Variants in ZEB2 observed in about 807,000 individuals in gnomAD.
ZEB2 encodes the protein zinc finger E-box binding homeobox 2.
ZEB2 carries 6 observed loss-of-function variants against 99.9 expected under a neutral mutation model. The observed-to-expected ratio is 0.06, with a 90% confidence interval of 0.03 to 0.12. The LOEUF is 0.12. ZEB2 is among the 10% of genes least tolerant of loss of function. The pLI, the probability that ZEB2 is intolerant of heterozygous loss-of-function variation, is 1.00. For missense variants in ZEB2, 969 were observed against 1,502.8 expected, an observed-to-expected ratio of 0.64 and a Z score of 5.87; for synonymous variants, 517 against 542.5, an observed-to-expected ratio of 0.95 and a Z score of 0.65.
At chr2:144,408,299 T>C (rs1703414219) in intron 4 of ZEB2, among the ~76,000 whole-genome samples, 1 of 152,086 alleles carries the variant, frequency 6.6e-6, no homozygotes, top group African/African-American at 2.4e-5. Flanking sequence ...AGAGGTCTTT[T>C]GGTAAAAGGA....
chr2:144,464,097 T>G (rs1192313104), intron 2 of ZEB2: 1 of 152,184 alleles, frequency 6.6e-6, no homozygotes, highest in African/African-American at 2.4e-5. Flanking sequence ...GTGTTTAGCA[T>G]CTGGTGGAAC....
chr2:144,517,092 C>G (rs1300885139), intron 2 of ZEB2, among the ~76,000 whole-genome samples, 186 bp downstream of exon 2: 1 of 150,408 alleles, frequency 6.6e-6, no homozygotes, highest in East Asian at 2.0e-4. Flanking sequence ...CGGCACTTCC[C>G]CAACACCCCC....
At chr2:144,446,069 TC>T (rs1253347646) in intron 2 of ZEB2, among the ~76,000 whole-genome samples, 1 of 151,976 alleles carries the variant, frequency 6.6e-6, no homozygotes. Context: ...CTTCCTTCCT[TC>T]CCTGAACTTA....
chr2:144,474,852 T>C (rs991990321), intron 2 of ZEB2, among the ~76,000 whole-genome samples: 1 of 152,192 alleles, frequency 6.6e-6, no homozygotes, highest in Non-Finnish European at 1.5e-5. Context: ...TAAACTAAGG[T>C]AAGGGTTTAT....
chr2:144,401,166 G>C lies in ZEB2; in HGVS notation c.916+33C>G, dbSNP rs1311927791. ...TAAAACTCCCCTAATTAAGTAAAAT[G>C]CAAATGCGAGCTCCAGCACCTCTGC... On this transcript the variant is annotated intron_variant, in intron 7 of 9. Transcript: ENST00000627532. The C allele has an allele frequency of 1.9e-6, 3 of 1,585,602 alleles. No individual in the cohort carries two copies. The African/African-American group carries it at 4.0e-5, about 21-fold the overall frequency.
At chr2:144,469,433 T>C (rs185129839) in intron 2 of ZEB2, among the ~76,000 whole-genome samples, 18 of 152,260 alleles carry the variant, frequency 1.2e-4, no homozygotes, top group African/African-American at 4.3e-4. Context: ...TACTGAGCAT[T>C]GCACACACTG....
chr2:144,508,281 C>G (rs543982417), intron 2 of ZEB2, among the ~76,000 whole-genome samples: 1 of 152,054 alleles, frequency 6.6e-6, no homozygotes, highest in Non-Finnish European at 1.5e-5. Context: ...ATCTGGGAGG[C>G]AGGGTGCAAC....
chr2:144,449,023 C>T (rs1704021470), intron 2 of ZEB2, among the ~76,000 whole-genome samples: 1 of 152,188 alleles, frequency 6.6e-6, no homozygotes, highest in Non-Finnish European at 1.5e-5. Flanking sequence ...GGCAAATGAA[C>T]GTCCGTGCCT....
intron 2 of ZEB2, among the ~76,000 whole-genome samples, chr2:144,484,109 A>G (rs1240439978): frequency 2.0e-5 from 3 of 151,464 alleles, no homozygotes; most frequent in Non-Finnish European, 4.4e-5. Context: ...TTGTTCCCAC[A>G]TGGTCTTTCC....
At chr2:144,503,183 C>T (rs1560653129) in intron 2 of ZEB2, among the ~76,000 whole-genome samples, 1 of 152,166 alleles carries the variant, frequency 6.6e-6, no homozygotes, top group African/African-American at 2.4e-5. Flanking sequence ...ATGTTGGCTA[C>T]ACAGAAACTG....
At chr2:144,517,235 C>T in intron 2 of ZEB2, 43 bp downstream of exon 2, 1 of 1,611,714 alleles carries the variant, frequency 6.2e-7, no homozygotes, top group Non-Finnish European at 8.5e-7. Context: ...GGGTCTCGAG[C>T]CGCGTAGTGG....
At chr2:144,477,677 A>G (rs1704449130) in intron 2 of ZEB2, among the ~76,000 whole-genome samples, 1 of 152,160 alleles carries the variant, frequency 6.6e-6, no homozygotes, top group African/African-American at 2.4e-5. Context: ...TTTGAGTTTG[A>G]AGCCTGCTCC....
In ZEB2 at chr2:144,393,197, A is replaced by G. The variant is rs759419940; in HGVS notation, c.3068-3169T>C. 3.3e-5 allele frequency among the ~76,000 whole-genome samples: 5 copies of G among 152,302 alleles called. No homozygotes were observed. The East Asian group carries it at 5.8e-4, about 18-fold the overall frequency. On this transcript the variant is annotated intron_variant, in intron 9 of 9. Coordinates refer to ENST00000627532, the MANE Select transcript of ZEB2 (RefSeq NM_014795.4). Reference sequence around the variant, plus strand: ...TAATTCTGTTGAAGTCAACATTTACATAGTGTTTCCCTCCTCTGTCCCAGT... The same window carrying G: ...TAATTCTGTTGAAGTCAACATTTACGTAGTGTTTCCCTCCTCTGTCCCAGT...
chr2:144,500,716 T>C (rs894186454), intron 2 of ZEB2, among the ~76,000 whole-genome samples: 2 of 152,264 alleles, frequency 1.3e-5, no homozygotes, highest in South Asian at 2.1e-4. Context: ...TAGTCTAATA[T>C]GGTAAGTTTA....
rs957280896 is a variant in ZEB2, at chr2:144,385,084, T to C, written c.*4367A>G. 6.6e-6 allele frequency: 1 copy of C among 152,158 alleles called. No individual in the cohort carries two copies. The highest frequency in any genetic ancestry group is 1.5e-5 in the Non-Finnish European group (1 of 68,020). The allele number at this position is 152,158 out of a possible 1,614,324, so 9.4% of individuals were successfully genotyped here. A position where few individuals can be genotyped will look rare whatever the true frequency, so the allele number is the denominator to read the frequency against. On this transcript the variant is annotated 3_prime_UTR_variant, in exon 10 of 10. Coordinates refer to ENST00000627532, the MANE Select transcript of ZEB2 (RefSeq NM_014795.4). The stretch of plus-strand genomic sequence containing the variant: ...TGATTTTTCTTAATGTCTTCAAATG[T>C]AGGAATGTTTTGTTGCATGTATAAA...
At chr2:144,497,758 G>C (rs1420873129) in intron 2 of ZEB2, 4 of 161,122 alleles carry the variant, frequency 2.5e-5, no homozygotes, top group Non-Finnish European at 1.5e-5. Flanking sequence ...TGACAATCTT[G>C]ATGACCCTGT....
intron 4 of ZEB2, among the ~76,000 whole-genome samples, chr2:144,409,370 G>A (rs1323382789): frequency 6.6e-6 from 1 of 152,132 alleles, no homozygotes; most frequent in African/African-American, 2.4e-5. Flanking sequence ...ACTGGACACA[G>A]GAATGAGGTA....
Position 144,490,721 on chromosome 2 carries a change from C to G in ZEB2, c.73+26557G>C, listed in dbSNP as rs114694521. Among the ~76,000 whole-genome samples the G allele has an allele frequency of 3.3e-3, 497 of 152,270 alleles. 1 individual carries two copies. Among genetic ancestry groups the G allele is most frequent in the African/African-American group, 0.011 (468 of 41,556 alleles). ...TGAAGCTATGGAAAGGAAAAAATGA[C>G]AAGTTCATCATCTTCCTATGTCCAC... On this transcript the variant is annotated intron_variant, in intron 2 of 9. Transcript: ENST00000627532.
chr2:144,423,130 T>C (rs189896823), intron 4 of ZEB2, among the ~76,000 whole-genome samples: 1 of 152,312 alleles, frequency 6.6e-6, no homozygotes, highest in East Asian at 1.9e-4. Flanking sequence ...ACATTCAAGA[T>C]TGATTTTTAA....
Sources: gnomAD v4.1 joint callset for allele counts (sites outside exome capture counted in the v4.1 genomes callset) on GRCh38, gnomAD v4.1.1 for gene constraint, MANE v1.5 for transcripts, NCBI Gene and HGNC (gene_info 2026-07-23, HGNC 2026-07-21) for gene names.